CTNNA3: variants seen among roughly 807,000 people sequenced by gnomAD.
The protein encoded by CTNNA3 is catenin alpha-3.
In CTNNA3, 76 loss-of-function variants were observed where a neutral mutation model predicts 95.7. The observed-to-expected ratio is 0.79, with a 90% confidence interval of 0.66 to 0.96. The LOEUF is 0.96. Among genes scored for constraint, CTNNA3 ranks in the 40% least tolerant of loss-of-function variants. The pLI is 0.00. For synonymous variants in CTNNA3, 431 were observed against 374.4 expected (o/e 1.15, Z -1.74); for missense variants, 1,191 against 1,089.8 (o/e 1.09, Z -1.31).
intron 7 of CTNNA3, among the ~76,000 whole-genome samples, chr10:66,887,734 T>C (rs1289583844): frequency 2.0e-5 from 3 of 152,158 alleles, no homozygotes; most frequent in Non-Finnish European, 4.4e-5. Flanking sequence ...TCTGACTTAC[T>C]TTTAGAACCA....
chr10:66,964,762 T>C (rs1849308203), intron 7 of CTNNA3, among the ~76,000 whole-genome samples: 1 of 151,956 alleles, frequency 6.6e-6, no homozygotes, highest in Non-Finnish European at 1.5e-5. Flanking sequence ...AGCATGGAAG[T>C]AGGAGGGAAA....
At chr10:67,477,136 T>A (rs1000791919) in intron 5 of CTNNA3, among the ~76,000 whole-genome samples, 1 of 152,048 alleles carries the variant, frequency 6.6e-6, no homozygotes, top group African/African-American at 2.4e-5. Flanking sequence ...TCTCAAGGAA[T>A]CTAGAACACT....
intron 1 of CTNNA3, among the ~76,000 whole-genome samples, chr10:67,726,664 T>TAA (rs1564841404): frequency 1.8e-3 from 2 of 1,098 alleles, no homozygotes; most frequent in Non-Finnish European, 3.9e-3. Context: ...ATATTATATA[T>TAA]TATATTAATT....
chr10:67,513,348 T>C (rs1203102743), intron 5 of CTNNA3, among the ~76,000 whole-genome samples: 1 of 152,254 alleles, frequency 6.6e-6, no homozygotes, highest in Non-Finnish European at 1.5e-5. Context: ...TCAATTGTGC[T>C]GCATCCTCAT....
At chr10:66,090,296 G>T (rs549567542) in intron 14 of CTNNA3, among the ~76,000 whole-genome samples, 12 of 152,100 alleles carry the variant, frequency 7.9e-5, no homozygotes, top group African/African-American at 2.9e-4. Context: ...AATCTGAAGA[G>T]AACTAATTAG....
intron 3 of CTNNA3, among the ~76,000 whole-genome samples, chr10:67,602,563 T>C (rs758040524): frequency 1.3e-5 from 2 of 152,198 alleles, no homozygotes; most frequent in Non-Finnish European, 2.9e-5. Flanking sequence ...CACATTATAA[T>C]AGAACACAGT....
intron 7 of CTNNA3, among the ~76,000 whole-genome samples, chr10:66,784,890 A>G (rs1840681397): frequency 6.6e-6 from 1 of 152,212 alleles, no homozygotes. Context: ...ATTTAAAAGC[A>G]AAGTCCCTGG....
chr10:66,553,969 T>A (rs1005913784), intron 10 of CTNNA3, among the ~76,000 whole-genome samples: 3 of 152,170 alleles, frequency 2.0e-5, no homozygotes, highest in Non-Finnish European at 2.9e-5. Flanking sequence ...AAAACATTAT[T>A]ATTATTTTAT....
chr10:66,608,448 A>G lies in CTNNA3; in HGVS notation c.1374+13244T>C, dbSNP rs575729069. On this transcript the variant is annotated intron_variant, in intron 10 of 17. Transcript: ENST00000433211. Reference sequence around the variant, plus strand: ...TCTTCACACAACTATAAAAAAAACTATTTTAAAATTCATATGGAACAAAAA... The same window carrying G: ...TCTTCACACAACTATAAAAAAAACTGTTTTAAAATTCATATGGAACAAAAA... 2.0e-5 allele frequency among the ~76,000 whole-genome samples: 3 copies of G among 152,246 alleles called. No individual in the cohort carries two copies. The East Asian group carries it at 5.8e-4, about 29-fold the overall frequency.
intron 12 of CTNNA3, among the ~76,000 whole-genome samples, chr10:66,329,521 G>T (rs765218407): frequency 6.6e-6 from 1 of 151,620 alleles, no homozygotes; most frequent in Non-Finnish European, 1.5e-5. Flanking sequence ...GGCACTGCCT[G>T]GTACACCAGT....
intron 7 of CTNNA3, among the ~76,000 whole-genome samples, chr10:66,812,750 C>A (rs1304413120): frequency 6.6e-6 from 1 of 152,066 alleles, no homozygotes; most frequent in Non-Finnish European, 1.5e-5. Context: ...CTCTGGCTTG[C>A]TTTCTTCATC....
chr10:67,162,120 A>G (rs1861576336), intron 7 of CTNNA3, among the ~76,000 whole-genome samples: 1 of 152,026 alleles, frequency 6.6e-6, no homozygotes, highest in African/African-American at 2.4e-5. Flanking sequence ...TATAAGAACA[A>G]CTAGACAGAA....
chr10:66,431,066 C>A (rs2093290885), intron 11 of CTNNA3, among the ~76,000 whole-genome samples: 2 of 151,016 alleles, frequency 1.3e-5, no homozygotes, highest in African/African-American at 4.9e-5. Context: ...AAAAAAAAAC[C>A]CATCAAAAAG....
At chr10:65,927,836 G>T (rs570274540) in intron 17 of CTNNA3, among the ~76,000 whole-genome samples, 9 of 152,020 alleles carry the variant, frequency 5.9e-5, no homozygotes, top group Non-Finnish European at 1.2e-4. Context: ...ATGTTCTGTT[G>T]TTAAGTATGT....
At chr10:67,450,233 T>G (rs1846921520) in intron 5 of CTNNA3, among the ~76,000 whole-genome samples, 1 of 152,152 alleles carries the variant, frequency 6.6e-6, no homozygotes, top group Non-Finnish European at 1.5e-5. Context: ...TGGAACGCAG[T>G]GTGGCGATTC....
chr10:67,239,512 G>A (rs574093505), intron 5 of CTNNA3, among the ~76,000 whole-genome samples: 1 of 152,236 alleles, frequency 6.6e-6, no homozygotes, highest in Admixed American at 6.5e-5. Flanking sequence ...TAAACAGGGA[G>A]GAGGAATCTT....
At chr10:66,419,636 A>G (rs1275708130) in intron 11 of CTNNA3, among the ~76,000 whole-genome samples, 3 of 152,206 alleles carry the variant, frequency 2.0e-5, no homozygotes, top group African/African-American at 7.2e-5. Context: ...CTGACTTCAA[A>G]TTATATTACA....
chr10:67,553,163 A>G (rs1248605249), intron 3 of CTNNA3, among the ~76,000 whole-genome samples: 1 of 152,192 alleles, frequency 6.6e-6, no homozygotes. Context: ...GCTGTAAAGA[A>G]CATGCTCTTC....
At chr10:67,429,191 T>C (rs1846025100) in intron 5 of CTNNA3, among the ~76,000 whole-genome samples, 1 of 151,990 alleles carries the variant, frequency 6.6e-6, no homozygotes, top group Non-Finnish European at 1.5e-5. Context: ...GGCCCCTCCT[T>C]ACAAATAAAA....
Sources: gnomAD v4.1 joint callset for allele counts (sites outside exome capture counted in the v4.1 genomes callset) on GRCh38, gnomAD v4.1.1 for gene constraint, MANE v1.5 for transcripts, NCBI Gene and HGNC (gene_info 2026-07-23, HGNC 2026-07-21) for gene names.